DZIP1: variants seen among roughly 807,000 people sequenced by gnomAD.
DZIP1 encodes the protein DAZ interacting zinc finger protein 1, also known as cilium assembly protein DZIP1.
DZIP1 carries 97 observed loss-of-function variants against 107.6 expected under a neutral mutation model. The observed-to-expected ratio is 0.90, with a 90% CI of 0.77 to 1.07. The LOEUF is 1.07. DZIP1 is among the 50% of genes least tolerant of loss of function. The probability of loss-of-function intolerance (pLI) is 0.00; values close to 1 mark genes in which losing one functional copy is unlikely to be tolerated. For missense variants in DZIP1, 1,035 were observed against 1,063.6 expected (o/e 0.97, Z 0.37); for synonymous variants, 390 against 386.4 (o/e 1.01, Z -0.11).
chr13:95,605,176 G>T (rs1342766231), intron 14 of DZIP1, among the ~76,000 whole-genome samples: 3 of 152,138 alleles, frequency 2.0e-5, no homozygotes, highest in Admixed American at 1.3e-4. Flanking sequence ...AAGACAAAAA[G>T]TGCCACCATA....
intron 15 of DZIP1, among the ~76,000 whole-genome samples, chr13:95,595,839 A>C (rs563927047): frequency 2.0e-5 from 3 of 152,292 alleles, no homozygotes; most frequent in East Asian, 3.9e-4. Flanking sequence ...TTGGGGCCAC[A>C]TACAGGGGCA....
intron 1 of DZIP1, 125 bp from the exon 2 acceptor site, chr13:95,643,823 AT>A (rs966614936): frequency 1.3e-5 from 2 of 152,108 alleles, no homozygotes; most frequent in African/African-American, 4.8e-5. Flanking sequence ...TATCCCTCCT[AT>A]TTTTGCTGCC....
intron 12 of DZIP1, 25 bp from the exon 13 acceptor site, chr13:95,609,538 A>G: frequency 6.4e-7 from 1 of 1,554,028 alleles, no homozygotes; most frequent in Non-Finnish European, 8.7e-7. Flanking sequence ...AAATAAATGA[A>G]CAAAAAACAT....
At chr13:95,587,771 C>T (rs765997376) in intron 19 of DZIP1, 42 bp from the exon 20 acceptor site, 2 of 1,579,056 alleles carry the variant, frequency 1.3e-6, no homozygotes, top group Non-Finnish European at 1.7e-6. Flanking sequence ...GTTTTCGTAA[C>T]GCTTTAGGAT....
intron 13 of DZIP1, 145 bp from the exon 14 acceptor site, chr13:95,606,204 C>A (rs1328753944): frequency 3.1e-6 from 2 of 645,626 alleles, no homozygotes; most frequent in African/African-American, 3.6e-5. Context: ...AAAGATATTA[C>A]ACAACTAACA....
At chr13:95,613,910 G>T (rs899940411) in intron 10 of DZIP1, among the ~76,000 whole-genome samples, 2 of 152,142 alleles carry the variant, frequency 1.3e-5, no homozygotes, top group African/African-American at 4.8e-5. Flanking sequence ...GATCACTGGA[G>T]TCCAGGAGTT....
At position 95,624,696 on chromosome 13, in the gene DZIP1, G is replaced by A. The variant is rs983366422; in HGVS notation, c.972+72C>T. 1.5e-5 allele frequency: 20 copies of A among 1,341,014 alleles called. 1 individual carries two copies. Among genetic ancestry groups the A allele is most frequent in the Non-Finnish European group, 2.1e-5 (20 of 961,356 alleles). 83.1% of individuals were successfully genotyped at this position (1,341,014 alleles called of 1,614,324 possible). A position where few individuals can be genotyped will look rare whatever the true frequency, so the allele number is the denominator to read the frequency against. ...ACATAAAGTAACTGCTGGATCCCCT[G>A]GCCTTAATGCCATCCTAACACCACC... On this transcript the variant is annotated intron_variant, in intron 8 of 22. Coordinates refer to ENST00000376829, the MANE Select transcript of DZIP1 (RefSeq NM_198968.4).
At chr13:95,605,944 G>T in intron 14 of DZIP1, 59 bp downstream of exon 14, 1 of 1,532,160 alleles carries the variant, frequency 6.5e-7, no homozygotes, top group Non-Finnish European at 9.0e-7. Flanking sequence ...TGGTTAATAA[G>T]TTATCCAACT....
At chr13:95,642,305 G>A (rs938130052) in intron 3 of DZIP1, 64 bp from the exon 4 acceptor site, 1 of 396,440 alleles carries the variant, frequency 2.5e-6, no homozygotes, top group Non-Finnish European at 4.4e-6. Flanking sequence ...CCCGAAGAGG[G>A]TACCTCCTGG....
chr13:95,585,157 T>C (rs2044128435), intron 21 of DZIP1, among the ~76,000 whole-genome samples: 1 of 152,194 alleles, frequency 6.6e-6, no homozygotes, highest in African/African-American at 2.4e-5. Context: ...CTACCAATCA[T>C]GAATGTAGAA....
At chr13:95,587,120 A>G (rs1158522398) in intron 20 of DZIP1, among the ~76,000 whole-genome samples, 1 of 152,220 alleles carries the variant, frequency 6.6e-6, no homozygotes, top group Non-Finnish European at 1.5e-5. Context: ...ACATCTGGAC[A>G]GAGATGCACA....
chr13:95,585,974 T>C, intron 21 of DZIP1, 32 bp downstream of exon 21: 1 of 1,565,318 alleles, frequency 6.4e-7, no homozygotes. Flanking sequence ...AAGACAAATT[T>C]ATGTATATCT....
At chr13:95,618,539 G>A (rs919483624) in intron 10 of DZIP1, among the ~76,000 whole-genome samples, 14 of 152,112 alleles carry the variant, frequency 9.2e-5, no homozygotes, top group Admixed American at 9.2e-4. Flanking sequence ...CTTTCCCATC[G>A]AAGTTCCTCA....
intron 10 of DZIP1, among the ~76,000 whole-genome samples, chr13:95,617,247 C>A (rs904876419): frequency 6.6e-6 from 1 of 151,828 alleles, no homozygotes; most frequent in Non-Finnish European, 1.5e-5. Flanking sequence ...CTTCCTGAAG[C>A]GGGAGAATGA....
At chr13:95,635,443 C>T (rs147838797) in intron 5 of DZIP1, among the ~76,000 whole-genome samples, 1 of 152,242 alleles carries the variant, frequency 6.6e-6, no homozygotes, top group East Asian at 1.9e-4. Context: ...ATGATCCACC[C>T]ACCTTGGCCT....
Position 95,641,668 on chromosome 13 carries a change from A to C in DZIP1, c.224T>G (p.Ile75Ser). The change falls in exon 5 of 23, where the codon ATC becomes AGC. Residue 75 changes from isoleucine to serine, a missense_variant. Coordinates refer to ENST00000376829, the MANE Select transcript of DZIP1 (RefSeq NM_198968.4). This position sits in a 1 kb window ranked among gnomAD's most constrained non-coding sequence, Gnocchi z 4.3. ...ESVDWRRLSA[I>S]DVDKVAGAVD... Reference sequence around the variant, plus strand: ...AGCCCCCGCCACCTTGTCCACGTCGATGGCGCTCAGCCGCCGCCAGTCCAC... The same window carrying C: ...AGCCCCCGCCACCTTGTCCACGTCGCTGGCGCTCAGCCGCCGCCAGTCCAC... 6.2e-7 allele frequency: 1 copy of C among 1,607,064 alleles called. No individual in the cohort carries two copies. The highest frequency in any genetic ancestry group is 8.5e-7 in the Non-Finnish European group (1 of 1,179,958).
rs138842686 is a variant in DZIP1 at position 95,585,104 on chromosome 13, C to T, written c.2350-194G>A. On this transcript the variant is annotated intron_variant, in intron 21 of 22. Transcript: ENST00000376829. Reference sequence around the variant, plus strand: ...GAAGTTGGTATTTTGAAATCTGAATCATCTCTTTTTCGTTTCTGCCATGGA... The same window carrying T: ...GAAGTTGGTATTTTGAAATCTGAATTATCTCTTTTTCGTTTCTGCCATGGA... Among the ~76,000 whole-genome samples the T allele has an allele frequency of 3.9e-5, 6 of 152,312 alleles. No homozygotes were observed. In the East Asian group the frequency reaches 1.2e-3, roughly 29 times the overall value.
chr13:95,615,940 G>A (rs1475302602), intron 10 of DZIP1, among the ~76,000 whole-genome samples: 1 of 152,174 alleles, frequency 6.6e-6, no homozygotes, highest in Non-Finnish European at 1.5e-5. Context: ...TGAAACCAAA[G>A]TTGTGCTGGT....
chr13:95,635,628 C>T (rs569617777), intron 5 of DZIP1, among the ~76,000 whole-genome samples: 78 of 152,216 alleles, frequency 5.1e-4, no homozygotes, highest in Middle Eastern at 3.4e-3. Context: ...TGATGTAAGT[C>T]ATATAGGCTC....
Sources: allele counts gnomAD v4.1 joint callset (sites outside exome capture counted in the v4.1 genomes callset), GRCh38; gene constraint gnomAD v4.1.1; non-coding constraint Gnocchi (gnomAD v3.1); transcripts MANE v1.5; gene names NCBI Gene and HGNC (gene_info 2026-07-23, HGNC 2026-07-21).